The following PCNT variants were observed in gnomAD, a reference collection of about 807,000 sequenced individuals.
PCNT encodes pericentrin.
A neutral mutation model predicts 380.4 loss-of-function variants in PCNT; 319 were observed. The observed-to-expected ratio is 0.84, with a 90% CI of 0.77 to 0.92. PCNT has a LOEUF of 0.92. Among genes scored for constraint, PCNT ranks in the 40% least tolerant of loss-of-function variants. The pLI, the probability that PCNT is intolerant of heterozygous loss-of-function variation, is 0.00. For missense variants in PCNT, 4,400 were observed against 4,255.3 expected (o/e 1.03, Z -0.95); for synonymous variants, 1,845 against 1,735.2 (o/e 1.06, Z -1.57).
chr21:46,371,305 G>A (rs1311603802), intron 15 of PCNT, among the ~76,000 whole-genome samples: 3 of 150,836 alleles, frequency 2.0e-5, no homozygotes, highest in African/African-American at 7.3e-5. Context: ...CTGCCTCCCA[G>A]GCTCAAGCAG....
intron 33 of PCNT, among the ~76,000 whole-genome samples, 159 bp from the exon 34 acceptor site, chr21:46,427,463 G>C (rs1295903006): frequency 6.6e-6 from 1 of 152,174 alleles, no homozygotes; most frequent in African/African-American, 2.4e-5. Flanking sequence ...TGGAGACAGC[G>C]AGTGAGCTCT....
At position 46,398,271 on chromosome 21, in the gene PCNT, C is replaced by T. The variant is rs368001433; in HGVS notation, c.4584+16C>T. On this transcript the variant is annotated intron_variant, in intron 24 of 46. Transcript: ENST00000359568. ...GGATGGAGAGGTGAGGAGGCGTCAA[C>T]GAGATGGGCACTCCCTGCGCTGGCG... The T allele has an allele frequency of 6.3e-6, 10 of 1,599,866 alleles. No homozygotes were observed. The East Asian group carries it at 6.7e-5, about 11-fold the overall frequency.
At chr21:46,348,011 G>A (rs2084129789) in intron 6 of PCNT, among the ~76,000 whole-genome samples, 1 of 152,266 alleles carries the variant, frequency 6.6e-6, no homozygotes, top group Non-Finnish European at 1.5e-5. Flanking sequence ...GCCATGCTGA[G>A]TGTGGAGGCC....
Position 46,398,240 on chromosome 21 carries a change from G to A in PCNT, c.4569G>A (p.Ala1523=), listed in dbSNP as rs762188563. The change falls in exon 24 of 47, where the codon GCG becomes GCA. Residue 1523 remains alanine (A), a synonymous_variant. Transcript: ENST00000359568. The part of the protein sequence containing the change: ...QPWGPRDSQQ[A]PLDGEVELLQ... ...CATGTACATGAAATCGGCAGCAGGC[G>A]CCGCTGGATGGAGAGGTGAGGAGGC... The A allele has an allele frequency of 1.1e-5, 18 of 1,607,266 alleles. No individual in the cohort carries two copies. Among genetic ancestry groups the A allele is most frequent in the African/African-American group, 1.1e-4 (8 of 74,952 alleles).
chr21:46,380,546 T>C (rs1205463657), intron 15 of PCNT, among the ~76,000 whole-genome samples: 1 of 151,312 alleles, frequency 6.6e-6, no homozygotes, highest in East Asian at 1.9e-4. Context: ...CAGTTGTGCA[T>C]GGAAATTTTG....
At position 46,415,365 on chromosome 21, in the gene PCNT, ATTTTTTTTTTTTTTT is replaced by A. The variant is rs35983555; in HGVS notation, c.6151-688_6151-674del. On this transcript the variant is annotated intron_variant, in intron 29 of 46. Coordinates refer to ENST00000359568, the MANE Select transcript of PCNT (RefSeq NM_006031.6). ...CCTCATGACAGGAACGTTTCTTTGAATTTTTTTTTTTTTTTTTTTTTTTTTTTTTTGAGACAGAGT... is the reference window on the plus strand; with the variant it reads ...CCTCATGACAGGAACGTTTCTTTGAATTTTTTTTTTTTTTTGAGACAGAGT... 2.1e-4 allele frequency among the ~76,000 whole-genome samples: 14 copies of A among 65,300 alleles called. No homozygotes were observed. In the East Asian group the frequency reaches 6.3e-3, roughly 29 times the overall value. 42.8% of individuals were successfully genotyped at this position (65,300 alleles called of 152,430 possible).
intron 21 of PCNT, among the ~76,000 whole-genome samples, chr21:46,396,849 C>T (rs1196259940): frequency 2.0e-5 from 3 of 152,282 alleles, no homozygotes; most frequent in Middle Eastern, 3.4e-3. Flanking sequence ...GTGATCCACC[C>T]GCCTCGGCCT....
chr21:46,346,051 C>T, intron 3 of PCNT, 77 bp from the exon 4 acceptor site: 2 of 1,366,136 alleles, frequency 1.5e-6, no homozygotes, highest in Non-Finnish European at 2.1e-6. Context: ...TGAGGACGTG[C>T]GTCGTCAGTT....
intron 14 of PCNT, among the ~76,000 whole-genome samples, chr21:46,364,610 G>A (rs929087087): frequency 2.6e-5 from 4 of 152,190 alleles, no homozygotes; most frequent in African/African-American, 9.7e-5. Context: ...ATGTTTTTCT[G>A]AAACATACAC....
intron 3 of PCNT, among the ~76,000 whole-genome samples, chr21:46,336,781 A>G (rs2083749681): frequency 6.6e-6 from 1 of 152,100 alleles, no homozygotes; most frequent in Non-Finnish European, 1.5e-5. Flanking sequence ...GTACACTCAT[A>G]GCTGTATTTA....
At position 46,346,211 on chromosome 21, in the gene PCNT, G is replaced by T. The variant is rs2084060098; in HGVS notation, c.720+3G>T. 2.5e-6 allele frequency: 4 copies of T among 1,612,600 alleles called. No individual in the cohort carries two copies. The highest frequency in any genetic ancestry group is 3.4e-6 in the Non-Finnish European group (4 of 1,179,182). On this transcript the variant is annotated splice_donor_region_variant and intron_variant, in intron 4 of 46. Coordinates refer to ENST00000359568, the MANE Select transcript of PCNT (RefSeq NM_006031.6). Reference sequence around the variant, plus strand: ...AGGCTGGCCTGCATCAGAGTCAGGTGACCCGGCGGGGCCTGCACAGGCTCA... The same window carrying T: ...AGGCTGGCCTGCATCAGAGTCAGGTTACCCGGCGGGGCCTGCACAGGCTCA...
chr21:46,393,540 C>T (rs909026436), intron 21 of PCNT, among the ~76,000 whole-genome samples: 4 of 152,178 alleles, frequency 2.6e-5, no homozygotes, highest in African/African-American at 9.6e-5. Flanking sequence ...CTGGGCCACA[C>T]CCCGCCGGGG....
Position 46,436,164 on chromosome 21 carries a change from A to G in PCNT, c.8996+16A>G. 6.2e-7 allele frequency: 1 copy of G among 1,602,920 alleles called. No individual in the cohort carries two copies. The highest frequency in any genetic ancestry group is 8.5e-7 in the Non-Finnish European group (1 of 1,179,660). The stretch of plus-strand genomic sequence containing the variant: ...CCGTGGACAGGTGTGCACCCACGCC[A>G]CCTGGCGCTCACTGGTCCCTTGCAG... On this transcript the variant is annotated intron_variant, in intron 39 of 46. Transcript: ENST00000359568.
chr21:46,390,530 G>A (rs576768912), intron 19 of PCNT, 140 bp from the exon 20 acceptor site: 3 of 856,130 alleles, frequency 3.5e-6, no homozygotes, highest in South Asian at 1.4e-5. Flanking sequence ...GATGTGCTCA[G>A]GTCCCGTCAC....
intron 29 of PCNT, among the ~76,000 whole-genome samples, chr21:46,413,725 C>T (rs2086896701): frequency 6.6e-6 from 1 of 152,206 alleles, no homozygotes; most frequent in Non-Finnish European, 1.5e-5. Context: ...CTTTGAAAGG[C>T]CTCAGATTTA....
rs1480242632 is a variant in PCNT, at chr21:46,445,635, AG to A, written c.*310del. ...GGCAGATCCATCCTTCCTGCCTCCA[AG>A]GAGGATACACAGAGAATGGCTTCCT... On this transcript the variant is annotated 3_prime_UTR_variant, in exon 47 of 47. Transcript: ENST00000359568. The A allele has an allele frequency of 7.3e-6, 3 of 413,400 alleles. No homozygotes were observed. In the East Asian group the frequency reaches 1.3e-4, roughly 18 times the overall value. The allele number at this position is 413,400 out of a possible 1,614,324, so 25.6% of individuals were successfully genotyped here. A position where few individuals can be genotyped will look rare whatever the true frequency, so the allele number is the denominator to read the frequency against.
At chr21:46,445,183 T>C in intron 46 of PCNT, 101 bp from the exon 47 acceptor site, 1 of 848,756 alleles carries the variant, frequency 1.2e-6, no homozygotes, top group Non-Finnish European at 2.1e-6. Context: ...TACCAAAATT[T>C]ACATGAATTC....
intron 27 of PCNT, among the ~76,000 whole-genome samples, chr21:46,406,800 AATAGTGATGAT>A (rs1697313106): frequency 6.6e-6 from 1 of 152,226 alleles, no homozygotes; most frequent in African/African-American, 2.4e-5. Context: ...GATCTATTGA[AATAGTGATGAT>A]ATTTTTCTCT....
At chr21:46,429,743 T>G (rs1601182392) in intron 35 of PCNT, among the ~76,000 whole-genome samples, 1 of 151,962 alleles carries the variant, frequency 6.6e-6, no homozygotes, top group South Asian at 2.1e-4. Flanking sequence ...GGGGGTGAGG[T>G]GGCATTTTTA....
Sources: gnomAD v4.1 joint callset for allele counts (sites outside exome capture counted in the v4.1 genomes callset) on GRCh38, gnomAD v4.1.1 for gene constraint, MANE v1.5 for transcripts, NCBI Gene and HGNC (gene_info 2026-07-23, HGNC 2026-07-21) for gene names.